MAGI2: variants seen among roughly 807,000 people sequenced by gnomAD.
MAGI2 encodes membrane-associated guanylate kinase, WW and PDZ domain-containing protein 2.
Under a neutral mutation model 133.3 loss-of-function variants are expected in MAGI2, and 35 were observed. That is an observed-to-expected ratio of 0.26 (90% CI 0.20 to 0.35). The LOEUF (loss-of-function observed/expected upper bound fraction) is 0.35. Among genes scored for constraint, MAGI2 ranks in the 10% least tolerant of loss-of-function variants. MAGI2 has a pLI of 1.00. For missense variants in MAGI2, 1,636 were observed against 1,863.4 expected, an observed-to-expected ratio of 0.88 and a Z score of 2.25; for synonymous variants, 729 against 710.6, an observed-to-expected ratio of 1.03 and a Z score of -0.41.
chr7:78,208,821 T>A (rs1416309972), intron 10 of MAGI2, among the ~76,000 whole-genome samples: 1 of 152,054 alleles, frequency 6.6e-6, no homozygotes. Context: ...CTTACAAGCA[T>A]CATAAATTCA....
chr7:78,448,442 G>A (rs17353183), intron 6 of MAGI2, among the ~76,000 whole-genome samples: 1 of 151,860 alleles, frequency 6.6e-6, no homozygotes, highest in African/African-American at 2.4e-5. Context: ...GCAACGAGGG[G>A]GCTCACCAGA....
intron 6 of MAGI2, among the ~76,000 whole-genome samples, chr7:78,461,059 C>A (rs1340499388): frequency 6.6e-6 from 1 of 152,086 alleles, no homozygotes; most frequent in South Asian, 2.1e-4. Context: ...TCTACCTATC[C>A]TCTTTTCATC....
chr7:78,762,378 G>A (rs975820528), intron 2 of MAGI2, among the ~76,000 whole-genome samples: 1 of 152,092 alleles, frequency 6.6e-6, no homozygotes, highest in African/African-American at 2.4e-5. Context: ...GGGAGGCGGA[G>A]GTTGCAGTGA....
At chr7:78,478,545 C>T (rs6466243) in intron 6 of MAGI2, among the ~76,000 whole-genome samples, 56,437 of 151,696 alleles carry the variant, frequency 0.37, 10,961 homozygotes, top group East Asian at 0.6. Context: ...GATAATGTTA[C>T]GTGAGAATAT....
At chr7:78,633,032 T>C (rs1175689914) in intron 2 of MAGI2, among the ~76,000 whole-genome samples, 1 of 152,164 alleles carries the variant, frequency 6.6e-6, no homozygotes, top group Non-Finnish European at 1.5e-5. Context: ...AGAAACATGG[T>C]AGATATACAC....
intron 3 of MAGI2, among the ~76,000 whole-genome samples, chr7:78,559,167 AGCCAAAAAGAAAAG>A (rs1563168261): frequency 1.6e-5 from 1 of 62,968 alleles, no homozygotes; most frequent in African/African-American, 5.7e-5. Context: ...AAAAAAAAAA[AGCCAAAAAGAAAAG>A]AAAAGAAAAG....
chr7:78,559,318 T>C (rs1170711999), intron 3 of MAGI2, among the ~76,000 whole-genome samples: 1 of 151,254 alleles, frequency 6.6e-6, no homozygotes, highest in Non-Finnish European at 1.5e-5. Context: ...TTGACTTGTG[T>C]ATTAAAGAGT....
At chr7:78,903,254 C>T (rs573689319) in intron 2 of MAGI2, among the ~76,000 whole-genome samples, 17 of 121,994 alleles carry the variant, frequency 1.4e-4, no homozygotes, top group East Asian at 8.5e-4. Flanking sequence ...ACTGCAGTGG[C>T]GCTGTCTTGG....
At chr7:78,528,042 C>G (rs967265040) in intron 3 of MAGI2, among the ~76,000 whole-genome samples, 1 of 152,060 alleles carries the variant, frequency 6.6e-6, no homozygotes, top group Non-Finnish European at 1.5e-5. Flanking sequence ...AGTGGTTCAG[C>G]AGAAGAGAGA....
rs848933 is a variant in MAGI2 at position 79,348,367 on chromosome 7, C to A, written c.301+104653G>T. On this transcript the variant is annotated intron_variant, in intron 1 of 21. Coordinates refer to ENST00000354212, the MANE Select transcript of MAGI2 (RefSeq NM_012301.4). ...TCAGAGTATGGTAGTAAGGGGAGAC[C>A]ATTTAATGTGTATATAAGCTCTGAC... 2.0e-3 allele frequency among the ~76,000 whole-genome samples: 301 copies of A among 151,872 alleles called. 3 individuals are homozygous for A. The highest frequency in any genetic ancestry group is 7.1e-3 in the African/African-American group (293 of 41,504).
chr7:79,247,050 G>A (rs1832877369), intron 1 of MAGI2, among the ~76,000 whole-genome samples: 1 of 152,066 alleles, frequency 6.6e-6, no homozygotes, highest in Admixed American at 6.5e-5. Flanking sequence ...AAAATATCCA[G>A]TAAAAATATC....
intron 8 of MAGI2, among the ~76,000 whole-genome samples, chr7:78,344,881 T>C (rs982273447): frequency 6.6e-6 from 1 of 152,202 alleles, no homozygotes; most frequent in Admixed American, 6.5e-5. Context: ...AAAATAATAG[T>C]CATACTAGGA....
intron 1 of MAGI2, among the ~76,000 whole-genome samples, chr7:79,295,329 GAA>G: frequency 6.6e-6 from 1 of 152,032 alleles, no homozygotes. Context: ...AAAGATTGCA[GAA>G]TACATTATGG....
intron 1 of MAGI2, among the ~76,000 whole-genome samples, chr7:79,213,068 T>C (rs1465472549): frequency 6.6e-6 from 1 of 151,862 alleles, no homozygotes; most frequent in Non-Finnish European, 1.5e-5. Context: ...TGAGGGCGGG[T>C]GGATCGAGGG....
At chr7:78,382,956 A>C (rs1342594179) in intron 6 of MAGI2, among the ~76,000 whole-genome samples, 2 of 152,024 alleles carry the variant, frequency 1.3e-5, no homozygotes, top group Non-Finnish European at 2.9e-5. Flanking sequence ...TTTATTTATG[A>C]TTGAATATTA....
intron 2 of MAGI2, among the ~76,000 whole-genome samples, chr7:78,824,538 CT>C (rs1199922577): frequency 1.3e-5 from 2 of 152,140 alleles, no homozygotes; most frequent in Non-Finnish European, 2.9e-5. Flanking sequence ...AGATGATGAG[CT>C]TTTTTTCATG....
chr7:78,950,484 T>C (rs531188030), intron 2 of MAGI2, among the ~76,000 whole-genome samples: 2 of 152,212 alleles, frequency 1.3e-5, no homozygotes, highest in Non-Finnish European at 2.9e-5. Flanking sequence ...ACCTTACACA[T>C]TTTTAGCACT....
intron 2 of MAGI2, among the ~76,000 whole-genome samples, chr7:78,864,664 A>G (rs940440065): frequency 6.6e-6 from 1 of 152,214 alleles, no homozygotes; most frequent in Non-Finnish European, 1.5e-5. Context: ...ACCAATTTTC[A>G]TAAAAATACC....
At chr7:79,228,635 C>A (rs1463956722) in intron 1 of MAGI2, among the ~76,000 whole-genome samples, 3 of 151,866 alleles carry the variant, frequency 2.0e-5, no homozygotes, top group Non-Finnish European at 2.9e-5. Context: ...AAAATGAACC[C>A]AAAGAAGACT....
Sources: gnomAD v4.1 joint callset for allele counts (sites outside exome capture counted in the v4.1 genomes callset) on GRCh38, gnomAD v4.1.1 for gene constraint, MANE v1.5 for transcripts, NCBI Gene and HGNC (gene_info 2026-07-23, HGNC 2026-07-21) for gene names.